Variants in ZNF438 observed in about 807,000 individuals in gnomAD.
ZNF438 encodes the protein zinc finger protein 438.
A neutral mutation model predicts 38.0 loss-of-function variants in ZNF438; 25 were observed. The ratio of observed to expected loss-of-function variants is 0.66; its 90% CI spans 0.48 to 0.92. ZNF438 has a LOEUF of 0.92. Among genes scored for constraint, ZNF438 ranks in the 40% least tolerant of loss-of-function variants. ZNF438 has a pLI of 0.00. For synonymous variants in ZNF438, 372 were observed against 364.1 expected (o/e 1.02, Z -0.25); for missense variants, 1,007 against 999.6 (o/e 1.01, Z -0.10).
intron 2 of ZNF438, among the ~76,000 whole-genome samples, chr10:30,931,853 G>C (rs985209006): frequency 6.6e-6 from 1 of 152,122 alleles, no homozygotes; most frequent in African/African-American, 2.4e-5. Context: ...CAAAATATTT[G>C]TTCCCTTGGG....
At chr10:31,022,690 C>G (rs889373401) in intron 1 of ZNF438, among the ~76,000 whole-genome samples, 5 of 152,206 alleles carry the variant, frequency 3.3e-5, no homozygotes, top group African/African-American at 1.2e-4. Flanking sequence ...AATTCTTCTT[C>G]ATGACAATGC....
chr10:30,972,596 A>T (rs1275246536), intron 1 of ZNF438, among the ~76,000 whole-genome samples: 1 of 152,168 alleles, frequency 6.6e-6, no homozygotes, highest in Non-Finnish European at 1.5e-5. Context: ...CATGGAGGTA[A>T]GCCACATGCA....
rs145901856 is a variant in ZNF438 at position 30,880,706 on chromosome 10, A to G, written c.-31-3641T>C. ...AAATCCAGACATAGAAAAGATTCCTATGTCCCAATATCCCTCATAAGCACA... is the reference window on the plus strand; with the variant it reads ...AAATCCAGACATAGAAAAGATTCCTGTGTCCCAATATCCCTCATAAGCACA... On this transcript the variant is annotated intron_variant, in intron 3 of 5. Transcript: ENST00000413025. 9.3e-3 allele frequency among the ~76,000 whole-genome samples: 1,410 copies of G among 152,276 alleles called. 16 individuals are homozygous for G. The highest frequency in any genetic ancestry group is 0.011 in the Non-Finnish European group (716 of 68,000).
intron 1 of ZNF438, among the ~76,000 whole-genome samples, chr10:31,022,033 T>A (rs2056632457): frequency 6.6e-6 from 1 of 152,202 alleles, no homozygotes; most frequent in African/African-American, 2.4e-5. Flanking sequence ...TTTTTAAAAT[T>A]GTCATTTTGA....
chr10:30,937,125 TG>T (rs1371837491), intron 2 of ZNF438, among the ~76,000 whole-genome samples: 1 of 152,054 alleles, frequency 6.6e-6, no homozygotes, highest in Non-Finnish European at 1.5e-5. Context: ...GTTATCCCTT[TG>T]GATGAGCCTA....
chr10:30,891,004 G>T (rs1303783953), intron 3 of ZNF438, among the ~76,000 whole-genome samples: 1 of 152,192 alleles, frequency 6.6e-6, no homozygotes, highest in Non-Finnish European at 1.5e-5. Flanking sequence ...CAATGTCGGT[G>T]TGAAGAAATC....
intron 3 of ZNF438, among the ~76,000 whole-genome samples, chr10:30,883,061 C>CT (rs1026083214): frequency 3.9e-5 from 6 of 152,058 alleles, no homozygotes; most frequent in Admixed American, 3.9e-4. Context: ...TAATGCTCTA[C>CT]TATAAAAATG....
At chr10:30,922,147 G>A (rs1274844738) in intron 2 of ZNF438, among the ~76,000 whole-genome samples, 2 of 151,948 alleles carry the variant, frequency 1.3e-5, no homozygotes, top group Non-Finnish European at 2.9e-5. Context: ...TTACTTACAG[G>A]GATTACCTCT....
At chr10:30,883,613 G>A (rs978155815) in intron 3 of ZNF438, among the ~76,000 whole-genome samples, 1 of 152,146 alleles carries the variant, frequency 6.6e-6, no homozygotes, top group Non-Finnish European at 1.5e-5. Flanking sequence ...GCTCACGCCT[G>A]TAATCCCAAC....
intron 3 of ZNF438, among the ~76,000 whole-genome samples, chr10:30,886,954 T>C (rs2040028612): frequency 6.6e-6 from 1 of 152,224 alleles, no homozygotes; most frequent in Non-Finnish European, 1.5e-5. Context: ...TTTATGATGA[T>C]TTGACATCTT....
chr10:30,844,811 A>G lies in ZNF438; in HGVS notation c.*150T>C, dbSNP rs2031486585. 3.9e-6 allele frequency: 4 copies of G among 1,021,532 alleles called. No homozygotes were observed. In the East Asian group the frequency reaches 7.3e-5, roughly 19 times the overall value. The allele number at this position is 1,021,532 out of a possible 1,614,324, so 63.3% of individuals were successfully genotyped here. On this transcript the variant is annotated 3_prime_UTR_variant, in exon 6 of 6. Coordinates refer to ENST00000413025, the Ensembl canonical transcript of ZNF438. Reference sequence around the variant, plus strand: ...CGAGAGCTTATATTTTATTTCGTTAAGAAAATAAAACCATGTACAAAAATC... The same window carrying G: ...CGAGAGCTTATATTTTATTTCGTTAGGAAAATAAAACCATGTACAAAAATC...
intron 2 of ZNF438, among the ~76,000 whole-genome samples, chr10:30,930,784 C>T (rs997497132): frequency 1.2e-4 from 10 of 84,944 alleles, no homozygotes; most frequent in Non-Finnish European, 1.8e-4. Context: ...TCCAGCCTGG[C>T]GACAGAGAGA....
At chr10:31,028,244 G>T (rs1410250565) in intron 1 of ZNF438, among the ~76,000 whole-genome samples, 1 of 152,110 alleles carries the variant, frequency 6.6e-6, no homozygotes, top group Non-Finnish European at 1.5e-5. Flanking sequence ...GTGGAAACCT[G>T]CCTGAATACT....
At chr10:31,030,891 C>T (rs1294999704) in intron 1 of ZNF438, among the ~76,000 whole-genome samples, 1 of 152,182 alleles carries the variant, frequency 6.6e-6, no homozygotes, top group Non-Finnish European at 1.5e-5. Context: ...TATTCCAAAT[C>T]GATACAGCAA....
rs150464142 is a variant in ZNF438 at position 30,913,878 on chromosome 10, T to C, written c.-114-4863A>G. Among the ~76,000 whole-genome samples, 812 of 152,276 alleles carry C rather than the reference T, an allele frequency of 5.3e-3. 13 individuals are homozygous for C. Among genetic ancestry groups the C allele is most frequent in the Non-Finnish European group, 6.0e-3 (407 of 68,000 alleles). On this transcript the variant is annotated intron_variant, in intron 2 of 5. Transcript: ENST00000413025. Reference sequence around the variant, plus strand: ...GAATAGAATGTTCCCACTGGAACTATATGTTCGGTATACAGGTGATGATTC... The same window carrying C: ...GAATAGAATGTTCCCACTGGAACTACATGTTCGGTATACAGGTGATGATTC...
At chr10:30,898,337 A>G (rs1274733127) in intron 3 of ZNF438, among the ~76,000 whole-genome samples, 2 of 152,206 alleles carry the variant, frequency 1.3e-5, no homozygotes, top group Non-Finnish European at 2.9e-5. Flanking sequence ...CCAGGGAAAG[A>G]TGTCCATAAC....
chr10:30,899,365 T>G (rs1001264739), intron 3 of ZNF438, among the ~76,000 whole-genome samples: 1 of 152,216 alleles, frequency 6.6e-6, no homozygotes, highest in African/African-American at 2.4e-5. Flanking sequence ...AAAGGTTATT[T>G]GCCTAAATGA....
intron 1 of ZNF438, among the ~76,000 whole-genome samples, chr10:30,990,619 C>A (rs530742730): frequency 1.3e-5 from 2 of 152,296 alleles, no homozygotes; most frequent in East Asian, 3.9e-4. Context: ...GGAATCAAAT[C>A]TGAGTCTGAT....
At chr10:30,884,962 T>C (rs2039756036) in intron 3 of ZNF438, among the ~76,000 whole-genome samples, 1 of 152,210 alleles carries the variant, frequency 6.6e-6, no homozygotes, top group South Asian at 2.1e-4. Context: ...TTAACCCATG[T>C]TGTGAGTACA....
Sources: gnomAD v4.1 joint callset for allele counts (sites outside exome capture counted in the v4.1 genomes callset) on GRCh38, gnomAD v4.1.1 for gene constraint, MANE v1.5 for transcripts, NCBI Gene and HGNC (gene_info 2026-07-23, HGNC 2026-07-21) for gene names.